CACNA2D3: variants seen among roughly 807,000 people sequenced by gnomAD.
The protein encoded by CACNA2D3 is voltage-dependent calcium channel subunit alpha-2/delta-3.
Under a neutral mutation model 160.6 loss-of-function variants are expected in CACNA2D3, and 60 were observed. The observed-to-expected ratio is 0.37, with a 90% confidence interval of 0.30 to 0.46. The LOEUF is 0.46. Among genes scored for constraint, CACNA2D3 ranks in the 20% least tolerant of loss-of-function variants. The probability of loss-of-function intolerance (pLI) is 1.00; values close to 1 mark genes in which losing one functional copy is unlikely to be tolerated. For missense variants in CACNA2D3, 1,205 were observed against 1,365.0 expected (o/e 0.88, Z 1.85); for synonymous variants, 558 against 492.9 (o/e 1.13, Z -1.75).
chr3:54,821,850 C>G (rs1703611203), intron 14 of CACNA2D3, among the ~76,000 whole-genome samples: 1 of 151,946 alleles, frequency 6.6e-6, no homozygotes, highest in African/African-American at 2.4e-5. Flanking sequence ...ATTTATCATT[C>G]TTTGCCTCAT....
chr3:54,649,408 T>G (rs560866271), intron 11 of CACNA2D3, among the ~76,000 whole-genome samples: 2 of 152,320 alleles, frequency 1.3e-5, no homozygotes, highest in South Asian at 4.1e-4. Flanking sequence ...GGAGAGAAAT[T>G]AGGCTCCCTC....
In CACNA2D3 at chr3:54,885,497, G is replaced by C; in HGVS notation, c.1967G>C (p.Cys656Ser). Reference protein sequence around the residue: ...DVSLADEWSYCNTDLHPEHRH... With the variant: ...DVSLADEWSYSNTDLHPEHRH... ...CCATGTCATGTTCTTAGGTCCTACT[G>C]CAACACTGACCTACACCCTGAGCAC... The change falls in exon 23 of 38, where the codon TGC becomes TCC. Residue 656 changes from cysteine (C) to serine (S), a missense_variant. By Grantham distance (112) the Cys-to-Ser change is moderately radical. This residue lies in a region of CACNA2D3 where 911 missense variants were observed against 1,002.2 expected (regional missense o/e 0.91). Transcript: ENST00000474759. 6.2e-7 allele frequency: 1 copy of C among 1,613,112 alleles called. No homozygotes were observed. The highest frequency in any genetic ancestry group is 1.1e-5 in the South Asian group (1 of 90,980).
chr3:54,612,936 T>C lies in CACNA2D3; in HGVS notation c.964-14851T>C, dbSNP rs1358027079. Among the ~76,000 whole-genome samples the C allele has an allele frequency of 2.6e-5, 4 of 152,182 alleles. No homozygotes were observed. The East Asian group carries it at 7.7e-4, about 29-fold the overall frequency. ...GCAGAGGAGGGGCCCCTGTATTTGCTGTGGCTCAGGGATACAGGAAAGGGT... is the reference window on the plus strand; with the variant it reads ...GCAGAGGAGGGGCCCCTGTATTTGCCGTGGCTCAGGGATACAGGAAAGGGT... On this transcript the variant is annotated intron_variant, in intron 9 of 37. Coordinates refer to ENST00000474759, the MANE Select transcript of CACNA2D3 (RefSeq NM_018398.3).
chr3:54,259,471 T>C lies in CACNA2D3; in HGVS notation c.205-60971T>C, dbSNP rs79513270. On this transcript the variant is annotated intron_variant, in intron 2 of 37. Coordinates refer to ENST00000474759, the MANE Select transcript of CACNA2D3 (RefSeq NM_018398.3). ...ACCCTCAAAAAAAGAAAACTTGAGA[T>C]GTGCTTCCACTTAATTAAGCCACAC... is the stretch of plus-strand genomic sequence containing the variant. 4.1e-3 allele frequency among the ~76,000 whole-genome samples: 617 copies of C among 152,330 alleles called. 22 individuals carry two copies. The East Asian group carries it at 0.074, about 18-fold the overall frequency.
intron 2 of CACNA2D3, among the ~76,000 whole-genome samples, chr3:54,195,286 C>A (rs904905671): frequency 6.6e-6 from 1 of 152,246 alleles, no homozygotes; most frequent in South Asian, 2.1e-4. Context: ...AACATGCCTC[C>A]CCACCCTGGC....
intron 2 of CACNA2D3, among the ~76,000 whole-genome samples, chr3:54,146,006 A>AT (rs557919790): frequency 1.2e-3 from 175 of 151,798 alleles, no homozygotes; most frequent in Non-Finnish European, 2.2e-3. Context: ...TTGCTTATAT[A>AT]TTTTTTAAAA....
At chr3:54,818,224 A>G (rs1012494351) in intron 14 of CACNA2D3, among the ~76,000 whole-genome samples, 3 of 152,136 alleles carry the variant, frequency 2.0e-5, no homozygotes, top group South Asian at 2.1e-4. Flanking sequence ...GAGTCTCACT[A>G]TGTCACCCAG....
At chr3:54,455,130 A>G (rs1330345099) in intron 4 of CACNA2D3, among the ~76,000 whole-genome samples, 2 of 152,150 alleles carry the variant, frequency 1.3e-5, no homozygotes, top group African/African-American at 4.8e-5. Flanking sequence ...TTGCTGGATC[A>G]TATGATAGCT....
At chr3:54,565,092 A>G (rs1702387771) in intron 6 of CACNA2D3, among the ~76,000 whole-genome samples, 1 of 152,160 alleles carries the variant, frequency 6.6e-6, no homozygotes, top group Non-Finnish European at 1.5e-5. Flanking sequence ...CTTGGATGAA[A>G]GTCCAAGAAT....
rs367978544 is a variant in CACNA2D3 at position 54,330,442 on chromosome 3, C to T, written c.321+9884C>T. Among the ~76,000 whole-genome samples, 14 of 152,230 alleles carry T rather than the reference C, an allele frequency of 9.2e-5. No homozygotes were observed. The South Asian group carries it at 1.7e-3, about 18-fold the overall frequency. ...ATCCAGGGTCACGGTTGGAGTTGCTCATAGACAGCCCCACTCCAGCCAATG... is the reference window on the plus strand; with the variant it reads ...ATCCAGGGTCACGGTTGGAGTTGCTTATAGACAGCCCCACTCCAGCCAATG... On this transcript the variant is annotated intron_variant, in intron 3 of 37. Coordinates refer to ENST00000474759, the MANE Select transcript of CACNA2D3 (RefSeq NM_018398.3).
intron 3 of CACNA2D3, among the ~76,000 whole-genome samples, chr3:54,328,123 A>G (rs1704156568): frequency 6.6e-6 from 1 of 152,224 alleles, no homozygotes; most frequent in Non-Finnish European, 1.5e-5. Context: ...CTTTGGGTGT[A>G]TCTTTCCAGA....
At chr3:54,963,369 G>A (rs1346963229) in intron 27 of CACNA2D3, among the ~76,000 whole-genome samples, 2 of 152,202 alleles carry the variant, frequency 1.3e-5, no homozygotes, top group African/African-American at 4.8e-5. Context: ...TGGGATCACT[G>A]GTCATCGTCC....
At chr3:54,403,240 A>T (rs1699504484) in intron 4 of CACNA2D3, among the ~76,000 whole-genome samples, 1 of 151,920 alleles carries the variant, frequency 6.6e-6, no homozygotes. Flanking sequence ...CTGTAGTTTC[A>T]GCTATTCAGG....
rs111346575 is a variant in CACNA2D3 at position 54,771,503 on chromosome 3, C to T, written c.1380+7152C>T. ...CTTGTTGGCAGAATTCAGTTCTTTG[C>T]CCGTATAGGACTGAGTTCCCATTTT... On this transcript the variant is annotated intron_variant, in intron 13 of 37. Transcript: ENST00000474759. Among the ~76,000 whole-genome samples the T allele has an allele frequency of 1.9e-4, 29 of 152,268 alleles. 3 individuals are homozygous for T. The highest frequency in any genetic ancestry group is 7.0e-4 in the African/African-American group (29 of 41,560).
intron 11 of CACNA2D3, among the ~76,000 whole-genome samples, chr3:54,702,264 C>G (rs1261006190): frequency 6.6e-6 from 1 of 152,088 alleles, no homozygotes; most frequent in African/African-American, 2.4e-5. Context: ...CAAGTGGGAC[C>G]TAACTAAACT....
In CACNA2D3 at chr3:54,778,949, A is replaced by G. The variant is rs182283668; in HGVS notation, c.1380+14598A>G. On this transcript the variant is annotated intron_variant, in intron 13 of 37. Coordinates refer to ENST00000474759, the MANE Select transcript of CACNA2D3 (RefSeq NM_018398.3). ...CCACCAATCCAACAAAGATTTTGCC[A>G]CATTCATCAAAAAGATCTGAATTCA... Among the ~76,000 whole-genome samples, 227 of 152,338 alleles carry G rather than the reference A, an allele frequency of 1.5e-3. 2 individuals carry two copies. Among genetic ancestry groups the G allele is most frequent in the Non-Finnish European group, 2.6e-3 (179 of 68,020 alleles).
chr3:54,716,137 TTA>T (rs1205693832), intron 11 of CACNA2D3, among the ~76,000 whole-genome samples: 1 of 152,200 alleles, frequency 6.6e-6, no homozygotes, highest in Admixed American at 6.5e-5. Flanking sequence ...TGAAATAATT[TTA>T]GACTAACAAG....
rs1436200607 is a variant in CACNA2D3, at chr3:54,627,801, T to C, written c.978T>C (p.His326=). Residue 326 remains histidine (H), a synonymous_variant, in exon 10 of 38, where the codon CAT becomes CAC. Transcript: ENST00000474759. ...TGCTGTTTCAGCACTTCAGGGAGCATCTGGACAAACTTTTCGCCAAAGGAA... is the reference window on the plus strand; with the variant it reads ...TGCTGTTTCAGCACTTCAGGGAGCACCTGGACAAACTTTTCGCCAAAGGAA... The part of the protein sequence containing the change: ...DRTNKEHFRE[H]LDKLFAKGIG... 3 of 1,609,992 alleles carry C rather than the reference T, an allele frequency of 1.9e-6. No individual in the cohort carries two copies. The highest frequency in any genetic ancestry group is 8.5e-7 in the Non-Finnish European group (1 of 1,178,026).
At chr3:54,235,529 C>T (rs1213180915) in intron 2 of CACNA2D3, among the ~76,000 whole-genome samples, 3 of 152,086 alleles carry the variant, frequency 2.0e-5, no homozygotes, top group Non-Finnish European at 2.9e-5. Flanking sequence ...AGAACAGCAC[C>T]AAGGGGATGG....
Sources: gnomAD v4.1 joint callset for allele counts (sites outside exome capture counted in the v4.1 genomes callset) on GRCh38, gnomAD v4.1.1 for gene constraint, gnomAD v4.1.1 regional missense constraint, MANE v1.5 for transcripts, NCBI Gene and HGNC (gene_info 2026-07-23, HGNC 2026-07-21) for gene names.